The following RYR2 variants were observed in gnomAD, a reference collection of about 807,000 sequenced individuals.
RYR2 encodes the protein ryanodine receptor 2, also known as cardiac muscle ryanodine receptor-calcium release channel.
A neutral mutation model predicts 601.1 loss-of-function variants in RYR2; 227 were observed. The ratio of observed to expected loss-of-function variants is 0.38; its 90% CI spans 0.34 to 0.42. The LOEUF is 0.42. Among genes scored for constraint, RYR2 ranks in the 10% least tolerant of loss-of-function variants. The pLI is 1.00. For synonymous variants in RYR2, 2,223 were observed against 2,175.1 expected (o/e 1.02, Z -0.61); for missense variants, 4,646 against 6,156.5 (o/e 0.75, Z 8.21).
chr1:237,058,641 G>T (rs1296612161), intron 1 of RYR2, among the ~76,000 whole-genome samples: 1 of 152,126 alleles, frequency 6.6e-6, no homozygotes, highest in Admixed American at 6.6e-5. Flanking sequence ...TGGAGGCGGG[G>T]CGTGGTGGCT....
At chr1:237,769,201 G>C (rs1323422893) in intron 84 of RYR2, among the ~76,000 whole-genome samples, 1 of 152,048 alleles carries the variant, frequency 6.6e-6, no homozygotes, top group African/African-American at 2.4e-5. Context: ...CCTATGTAAT[G>C]AACTCATAAT....
intron 6 of RYR2, among the ~76,000 whole-genome samples, chr1:237,371,791 G>T (rs888471636): frequency 1.3e-5 from 2 of 152,026 alleles, no homozygotes; most frequent in Non-Finnish European, 2.9e-5. Context: ...GCAAACTATC[G>T]CAAGGACAAA....
intron 102 of RYR2, among the ~76,000 whole-genome samples, chr1:237,829,511 G>A (rs1269031962): frequency 1.3e-5 from 2 of 152,146 alleles, no homozygotes; most frequent in African/African-American, 4.8e-5. Context: ...AGCTGACCTA[G>A]GGAACCCAGA....
At chr1:237,523,570 A>G (rs1667292288) in intron 24 of RYR2, among the ~76,000 whole-genome samples, 1 of 152,070 alleles carries the variant, frequency 6.6e-6, no homozygotes, top group Non-Finnish European at 1.5e-5. Flanking sequence ...CTCCATCTCT[A>G]CTAAAAATAC....
At chr1:237,477,461 T>A (rs1412483754) in intron 17 of RYR2, among the ~76,000 whole-genome samples, 1 of 152,196 alleles carries the variant, frequency 6.6e-6, no homozygotes, top group Non-Finnish European at 1.5e-5. Flanking sequence ...GGCCTGTTTC[T>A]AGTCTCCTTT....
chr1:237,211,395 A>T (rs148984370), intron 1 of RYR2, among the ~76,000 whole-genome samples: 1 of 152,306 alleles, frequency 6.6e-6, no homozygotes, highest in African/African-American at 2.4e-5. Context: ...TGTTAGCATG[A>T]TAATTTTGCA....
intron 67 of RYR2, 97 bp downstream of exon 67, chr1:237,705,440 T>C: frequency 1.0e-6 from 1 of 965,558 alleles, no homozygotes; most frequent in Admixed American, 2.5e-5. Flanking sequence ...TCTTTCAGTT[T>C]ACTATATCCA....
intron 1 of RYR2, among the ~76,000 whole-genome samples, chr1:237,124,759 T>A (rs889125911): frequency 6.6e-6 from 1 of 152,066 alleles, no homozygotes; most frequent in Non-Finnish European, 1.5e-5. Flanking sequence ...GAAATTATGA[T>A]GTGGGCCCTT....
intron 2 of RYR2, among the ~76,000 whole-genome samples, chr1:237,302,500 T>C (rs1693459832): frequency 6.6e-6 from 1 of 152,226 alleles, no homozygotes; most frequent in African/African-American, 2.4e-5. Flanking sequence ...TTATAACCAG[T>C]TCCTAGAATA....
intron 1 of RYR2, among the ~76,000 whole-genome samples, chr1:237,238,900 G>A (rs997130387): frequency 1.3e-5 from 2 of 148,860 alleles, no homozygotes; most frequent in African/African-American, 5.2e-5. Context: ...AACCCAATTA[G>A]TATGAGTTAG....
intron 27 of RYR2, among the ~76,000 whole-genome samples, chr1:237,551,015 T>G (rs2148115706): frequency 1.3e-5 from 2 of 152,284 alleles, no homozygotes; most frequent in South Asian, 4.1e-4. Flanking sequence ...AGCTGATTTT[T>G]GCTGATTTGG....
chr1:237,773,410 A>T, intron 86 of RYR2, 110 bp from the exon 87 acceptor site: 1 of 670,102 alleles, frequency 1.5e-6, no homozygotes, highest in Non-Finnish European at 2.5e-6. Flanking sequence ...TTTGTTTGCT[A>T]CCATATCTAT....
At chr1:237,272,268 C>A (rs1218418347) in intron 2 of RYR2, among the ~76,000 whole-genome samples, 2 of 151,928 alleles carry the variant, frequency 1.3e-5, no homozygotes, top group Non-Finnish European at 2.9e-5. Context: ...CAAAGTCCTC[C>A]TCTGAGGAGA....
intron 16 of RYR2, among the ~76,000 whole-genome samples, chr1:237,468,875 A>G (rs990415700): frequency 2.0e-5 from 3 of 152,180 alleles, no homozygotes; most frequent in Non-Finnish European, 4.4e-5. Flanking sequence ...CATTCCTTCT[A>G]ATGAGCAGTG....
intron 2 of RYR2, among the ~76,000 whole-genome samples, chr1:237,309,881 C>G (rs1413487468): frequency 6.6e-6 from 1 of 152,176 alleles, no homozygotes; most frequent in East Asian, 1.9e-4. Context: ...TGCTAAGCCC[C>G]TCACTGCCCG....
intron 1 of RYR2, among the ~76,000 whole-genome samples, chr1:237,044,352 A>G (rs966194991): frequency 1.4e-4 from 21 of 152,304 alleles, no homozygotes; most frequent in African/African-American, 5.1e-4. Context: ...CATGCACTCA[A>G]GGGCTTCCTG....
intron 1 of RYR2, among the ~76,000 whole-genome samples, chr1:237,085,262 T>G (rs1666180680): frequency 6.6e-6 from 1 of 152,178 alleles, no homozygotes. Flanking sequence ...TTTATAAAAC[T>G]TTAGTCATTT....
At chr1:237,201,365 G>GT (rs1681175283) in intron 1 of RYR2, among the ~76,000 whole-genome samples, 1 of 152,114 alleles carries the variant, frequency 6.6e-6, no homozygotes, top group African/African-American at 2.4e-5. Flanking sequence ...TTCCCTAATA[G>GT]TTCTGGACAG....
intron 58 of RYR2, among the ~76,000 whole-genome samples, chr1:237,671,107 G>A (rs1000836): frequency 0.22 from 32,754 of 152,122 alleles, 4,362 homozygotes; most frequent in Admixed American, 0.29. Context: ...AGACTAAGTG[G>A]TGAGGTAGGG....
Sources: allele counts gnomAD v4.1 joint callset (sites outside exome capture counted in the v4.1 genomes callset), GRCh38; gene constraint gnomAD v4.1.1; transcripts MANE v1.5; gene names NCBI Gene and HGNC (gene_info 2026-07-23, HGNC 2026-07-21).